Variants in IQANK1 observed in about 807,000 individuals in gnomAD.
IQANK1 encodes the protein IQ motif and ankyrin repeat domain-containing protein 1.
A neutral mutation model predicts 22.6 loss-of-function variants in IQANK1; 30 were observed. The ratio of observed to expected loss-of-function variants is 1.33; its 90% CI spans 0.99 to 1.80. The LOEUF (loss-of-function observed/expected upper bound fraction) is 1.80. IQANK1 is among the 40% of genes most tolerant of loss of function. The pLI is 0.00. For missense variants in IQANK1, 275 were observed against 235.2 expected (o/e 1.17, Z -1.11); for synonymous variants, 122 against 99.6 (o/e 1.23, Z -1.34).
chr8:143,757,068 A>G (rs1209257377), intron 3 of IQANK1, among the ~76,000 whole-genome samples: 1 of 152,190 alleles, frequency 6.6e-6, no homozygotes, highest in Non-Finnish European at 1.5e-5. Context: ...GTTTCTCCAG[A>G]AGCTTCAAAC....
chr8:143,781,683 G>A (rs1396619191), intron 7 of IQANK1, among the ~76,000 whole-genome samples: 2 of 151,904 alleles, frequency 1.3e-5, no homozygotes, highest in African/African-American at 2.4e-5. Flanking sequence ...TGGTCTATGT[G>A]CTTGTGTAGT....
intron 7 of IQANK1, among the ~76,000 whole-genome samples, chr8:143,782,020 A>G (rs1236523606): frequency 1.3e-5 from 2 of 151,910 alleles, no homozygotes; most frequent in Admixed American, 1.3e-4. Context: ...CATTGTAGAG[A>G]TCTTTCACCT....
In IQANK1 at chr8:143,753,099, G is replaced by A. The variant is rs1454025848; in HGVS notation, c.175+13151G>A. ...TCTCACTGCAACCTTGACCTCCTGG[G>A]CTTAAGCAATCCTCCCTCCTCAGCC... On this transcript the variant is annotated intron_variant, in intron 3 of 13. Transcript: ENST00000527139. Among the ~76,000 whole-genome samples the A allele has an allele frequency of 2.0e-5, 3 of 149,504 alleles. No homozygotes were observed. In the Admixed American group the frequency reaches 2.0e-4, roughly 10 times the overall value.
intron 3 of IQANK1, among the ~76,000 whole-genome samples, chr8:143,770,155 C>T (rs1819546377): frequency 6.6e-6 from 1 of 152,222 alleles, no homozygotes; most frequent in Non-Finnish European, 1.5e-5. Context: ...GTGCTTTGCT[C>T]TTTCTCCTCG....
At chr8:143,762,840 GA>G (rs1189001172) in intron 3 of IQANK1, among the ~76,000 whole-genome samples, 1 of 152,154 alleles carries the variant, frequency 6.6e-6, no homozygotes, top group African/African-American at 2.4e-5. Flanking sequence ...ACTGGAGAAT[GA>G]AGTCTCAGAC....
chr8:143,789,620 G>A, intron 10 of IQANK1, 92 bp downstream of exon 10: 1 of 1,225,972 alleles, frequency 8.2e-7, no homozygotes, highest in Non-Finnish European at 1.0e-6. Flanking sequence ...CCCAGGCCTG[G>A]GGTTTTTCCC....
chr8:143,777,827 C>T (rs1228146658), intron 7 of IQANK1, among the ~76,000 whole-genome samples: 1 of 152,104 alleles, frequency 6.6e-6, no homozygotes, highest in African/African-American at 2.4e-5. Context: ...GGGAAACAAA[C>T]AGCAAATGGT....
At chr8:143,745,762 T>G (rs1385943312) in intron 3 of IQANK1, 2 of 151,534 alleles carry the variant, frequency 1.3e-5, no homozygotes, top group Non-Finnish European at 2.9e-5. Flanking sequence ...GACAGGGTCT[T>G]TCTCTGTCAC....
chr8:143,773,319 AAAAAAAC>A (rs1819620140), intron 7 of IQANK1, among the ~76,000 whole-genome samples: 2 of 108,406 alleles, frequency 1.8e-5, no homozygotes, highest in African/African-American at 8.3e-5. Flanking sequence ...AAAAAAAACA[AAAAAAAC>A]ACAAAAAAAA....
At chr8:143,776,115 AT>A in intron 7 of IQANK1, among the ~76,000 whole-genome samples, 1 of 151,328 alleles carries the variant, frequency 6.6e-6, no homozygotes, top group East Asian at 1.9e-4. Context: ...GGGTCAGGAG[AT>A]CAAGCCCATC....
intron 3 of IQANK1, among the ~76,000 whole-genome samples, chr8:143,750,944 TTGTG>T (rs56002701): frequency 2.0e-5 from 3 of 149,800 alleles, no homozygotes; most frequent in African/African-American, 2.5e-5. Context: ...CTGTCTTCTT[TTGTG>T]TGTGTGTGTG....
At chr8:143,740,763 C>T (rs1818888338) in intron 3 of IQANK1, among the ~76,000 whole-genome samples, 2 of 152,344 alleles carry the variant, frequency 1.3e-5, no homozygotes, top group South Asian at 4.1e-4. Context: ...CGCCCATCGC[C>T]TGATCGCCTG....
chr8:143,738,728 C>A (rs947781419), intron 2 of IQANK1, among the ~76,000 whole-genome samples: 3 of 152,178 alleles, frequency 2.0e-5, no homozygotes, highest in Non-Finnish European at 2.9e-5. Context: ...CCCCCGGTCC[C>A]ACAGCTGGTC....
chr8:143,764,919 G>C (rs1554629117), intron 3 of IQANK1, among the ~76,000 whole-genome samples: 1 of 152,130 alleles, frequency 6.6e-6, no homozygotes, highest in African/African-American at 2.4e-5. Flanking sequence ...GAATGTAAGA[G>C]CTCACATGTC....
rs1554629800 is a variant in IQANK1 at position 143,771,788 on chromosome 8, G to T, written c.307-13G>T. 7.6e-6 allele frequency: 3 copies of T among 397,026 alleles called. No homozygotes were observed. Among genetic ancestry groups the T allele is most frequent in the Non-Finnish European group, 1.3e-5 (3 of 225,292 alleles). 24.6% of individuals were successfully genotyped at this position (397,026 alleles called of 1,614,324 possible). A position where few individuals can be genotyped will look rare whatever the true frequency, so the allele number is the denominator to read the frequency against. On this transcript the variant is annotated splice_polypyrimidine_tract_variant and intron_variant, in intron 4 of 13. Coordinates refer to ENST00000527139, the MANE Select transcript of IQANK1 (RefSeq NM_001381874.1). The surrounding 1 kb of genome is among the most constrained non-coding windows in gnomAD (Gnocchi z 6.0). ...GCGCGGAGTGGGCGGTGACTTCGGC[G>T]GGCGCCTCCCAGGCCTACCTGGCTC...
chr8:143,778,343 C>T (rs1819730946), intron 7 of IQANK1, among the ~76,000 whole-genome samples: 1 of 151,990 alleles, frequency 6.6e-6, no homozygotes, highest in African/African-American at 2.4e-5. Flanking sequence ...TAACACTAAA[C>T]AGGATGCTGA....
At chr8:143,770,412 G>C (rs1411093656) in intron 3 of IQANK1, among the ~76,000 whole-genome samples, 1 of 152,088 alleles carries the variant, frequency 6.6e-6, no homozygotes, top group East Asian at 1.9e-4. Context: ...CCCTCCTGAC[G>C]GCGCCTCTCC....
intron 2 of IQANK1, among the ~76,000 whole-genome samples, chr8:143,738,292 T>C (rs782464749): frequency 6.6e-6 from 1 of 152,142 alleles, no homozygotes; most frequent in Non-Finnish European, 1.5e-5. Flanking sequence ...CCCTGGCTCA[T>C]GGACCAGCCG....
Position 143,772,331 on chromosome 8 carries a change from T to C in IQANK1, c.664-26T>C, listed in dbSNP as rs540718110. The C allele has an allele frequency of 4.8e-5, 19 of 398,786 alleles. No homozygotes were observed. In the East Asian group the frequency reaches 6.8e-4, roughly 14 times the overall value. 24.7% of individuals were successfully genotyped at this position (398,786 alleles called of 1,614,324 possible). A position where few individuals can be genotyped will look rare whatever the true frequency, so the allele number is the denominator to read the frequency against. ...CCTTCCCCCAGGGGCAAGGCCTGGA[T>C]CTTGCTCGGGGGGCCCGTCTTGCAG... On this transcript the variant is annotated intron_variant, in intron 6 of 13. Transcript: ENST00000527139.
Sources: gnomAD v4.1 joint callset for allele counts (sites outside exome capture counted in the v4.1 genomes callset) on GRCh38, gnomAD v4.1.1 for gene constraint, Gnocchi (gnomAD v3.1) non-coding constraint, MANE v1.5 for transcripts, NCBI Gene and HGNC (gene_info 2026-07-23, HGNC 2026-07-21) for gene names.